The following AGPAT5 variants were observed in gnomAD, a reference collection of about 807,000 sequenced individuals.
AGPAT5 encodes the protein 1-acylglycerol-3-phosphate O-acyltransferase 5.
A neutral mutation model predicts 45.6 loss-of-function variants in AGPAT5; 46 were observed. The observed-to-expected ratio is 1.01, with a 90% CI of 0.80 to 1.29. The LOEUF (loss-of-function observed/expected upper bound fraction) is 1.29, where lower values mean the gene tolerates loss of function less well. Among genes scored for constraint, AGPAT5 ranks in the 50% most tolerant of loss-of-function variants. The pLI is 0.00. For missense variants in AGPAT5, 673 were observed against 450.7 expected, an observed-to-expected ratio of 1.49 and a Z score of -4.47; for synonymous variants, 272 against 167.0, an observed-to-expected ratio of 1.63 and a Z score of -4.85.
At chr8:6,720,426 G>T (rs768040146) in intron 1 of AGPAT5, among the ~76,000 whole-genome samples, 1 of 152,136 alleles carries the variant, frequency 6.6e-6, no homozygotes, top group Non-Finnish European at 1.5e-5. Context: ...CTTGTCAAGG[G>T]GCGTTACCAC....
rs1239643493 is a variant in AGPAT5, at chr8:6,760,365, T to C, written c.*2977T>C. Among the ~76,000 whole-genome samples, 1 of 152,130 alleles carries C rather than the reference T, an allele frequency of 6.6e-6. No homozygotes were observed. Among genetic ancestry groups the C allele is most frequent in the Non-Finnish European group, 1.5e-5 (1 of 68,036 alleles). ...GTGAGCCATGGACATACCACTGCAC[T>C]ACAGCCTAGGTAACAGCACGAGACC... On this transcript the variant is annotated 3_prime_UTR_variant, in exon 8 of 8. Coordinates refer to ENST00000285518, the MANE Select transcript of AGPAT5 (RefSeq NM_018361.5).
chr8:6,714,935 CT>C (rs1800271350), intron 1 of AGPAT5, among the ~76,000 whole-genome samples: 2 of 152,146 alleles, frequency 1.3e-5, no homozygotes, highest in Admixed American at 1.3e-4. Context: ...TTAACTTTTC[CT>C]TTACTATTTT....
At chr8:6,725,854 A>G (rs1406743649) in intron 2 of AGPAT5, among the ~76,000 whole-genome samples, 1 of 152,216 alleles carries the variant, frequency 6.6e-6, no homozygotes, top group South Asian at 2.1e-4. Context: ...GAAATCACTT[A>G]TGCCTGTGGC....
intron 1 of AGPAT5, among the ~76,000 whole-genome samples, chr8:6,717,457 G>A (rs377203578): frequency 1.5e-4 from 23 of 152,324 alleles, no homozygotes; most frequent in East Asian, 1.3e-3. Context: ...GTTAAAAGGT[G>A]TAATGTTCTA....
intron 1 of AGPAT5, among the ~76,000 whole-genome samples, chr8:6,720,772 A>G (rs943112647): frequency 5.3e-5 from 8 of 152,304 alleles, no homozygotes; most frequent in African/African-American, 1.9e-4. Context: ...TAAGAGGGCT[A>G]GCAAGGAAAA....
intron 4 of AGPAT5, among the ~76,000 whole-genome samples, chr8:6,737,052 G>T (rs1458623643): frequency 1.3e-5 from 2 of 152,206 alleles, no homozygotes; most frequent in African/African-American, 4.8e-5. Context: ...CAGTAGGAAG[G>T]TTGATTCAAA....
rs1162611502 is a variant in AGPAT5 at position 6,761,080 on chromosome 8, T to C, written c.*3692T>C. Reference sequence around the variant, plus strand: ...GAGGTCAAAGACATATACCTTGTTATTATAATATGTATACTATAATAATAG... The same window carrying C: ...GAGGTCAAAGACATATACCTTGTTACTATAATATGTATACTATAATAATAG... On this transcript the variant is annotated 3_prime_UTR_variant, in exon 8 of 8. Coordinates refer to ENST00000285518, the MANE Select transcript of AGPAT5 (RefSeq NM_018361.5). Among the ~76,000 whole-genome samples, 2 of 152,206 alleles carry C rather than the reference T, an allele frequency of 1.3e-5. No individual in the cohort carries two copies. The highest frequency in any genetic ancestry group is 6.5e-5 in the Admixed American group (1 of 15,276).
chr8:6,747,792 G>A lies in AGPAT5; in HGVS notation c.709G>A (p.Asp237Asn), dbSNP rs1362816409. ...DVTVVYEGKD[D>N]GGQRRESPTM... Reference sequence around the variant, plus strand: ...TACGGTGGTTTATGAAGGGAAAGACGATGGAGGGCAGCGAAGAGAGTCACC... The same window carrying A: ...TACGGTGGTTTATGAAGGGAAAGACAATGGAGGGCAGCGAAGAGAGTCACC... The change falls in exon 6 of 8, where the codon GAT becomes AAT. Residue 237 changes from aspartate (D) to asparagine (N), a missense_variant. By Grantham distance (23) the Asp-to-Asn change is conservative. Coordinates refer to ENST00000285518, the MANE Select transcript of AGPAT5 (RefSeq NM_018361.5). 1.1e-5 allele frequency: 18 copies of A among 1,614,032 alleles called. No homozygotes were observed. Among genetic ancestry groups the A allele is most frequent in the Middle Eastern group, 3.3e-4 (2 of 6,084 alleles).
chr8:6,738,434 C>T (rs1801129335), intron 4 of AGPAT5: 1 of 152,118 alleles, frequency 6.6e-6, no homozygotes, highest in African/African-American at 2.4e-5. Flanking sequence ...TATATGGGTG[C>T]AATTCATGGC....
chr8:6,716,430 G>A (rs528946516), intron 1 of AGPAT5, among the ~76,000 whole-genome samples: 1 of 152,218 alleles, frequency 6.6e-6, no homozygotes, highest in Admixed American at 6.5e-5. Flanking sequence ...GCATGGTGGT[G>A]TGTGCCTGTA....
chr8:6,737,662 C>G (rs1170388902), intron 4 of AGPAT5, among the ~76,000 whole-genome samples: 2 of 152,172 alleles, frequency 1.3e-5, no homozygotes, highest in African/African-American at 4.8e-5. Context: ...TTTCTTCCAG[C>G]TTTCACTTAA....
In AGPAT5 at chr8:6,730,839, C is replaced by T. The variant is rs1373503159; in HGVS notation, c.405+13C>T. On this transcript the variant is annotated intron_variant, in intron 3 of 7. Transcript: ENST00000285518. The stretch of plus-strand genomic sequence containing the variant: ...TTACTTTGCTCAGGTAACTTGTTTC[C>T]ATGCTTTTCTCTCTATATATGTAGT... 1.3e-6 allele frequency: 2 copies of T among 1,561,874 alleles called. No homozygotes were observed. The highest frequency in any genetic ancestry group is 2.2e-5 in the South Asian group (2 of 89,528).
rs998537352 is a variant in AGPAT5, at chr8:6,732,865, C to G, written c.495+215C>G. Among the ~76,000 whole-genome samples, 4 of 152,186 alleles carry G rather than the reference C, an allele frequency of 2.6e-5. No homozygotes were observed. The East Asian group carries it at 7.7e-4, about 29-fold the overall frequency. ...GTAAACAACTAGGTCCTTTGCTGGT[C>G]AGTGGACCTTAAAGAGGAATAAAAA... On this transcript the variant is annotated intron_variant, in intron 4 of 7. Transcript: ENST00000285518.
At chr8:6,728,990 C>G (rs58032777) in intron 2 of AGPAT5, among the ~76,000 whole-genome samples, 3,264 of 152,226 alleles carry the variant, frequency 0.021, 116 homozygotes, top group African/African-American at 0.074. Flanking sequence ...TCTCTGGGAT[C>G]ATACACTGTA....
At chr8:6,724,721 C>A in intron 1 of AGPAT5, 149 bp from the exon 2 acceptor site, 1 of 305,238 alleles carries the variant, frequency 3.3e-6, no homozygotes, top group Non-Finnish European at 6.4e-6. Flanking sequence ...TATTTATGAT[C>A]TCTGAGGCTC....
At position 6,760,322 on chromosome 8, in the gene AGPAT5, CAGG is replaced by C. The variant is rs1376612116; in HGVS notation, c.*2938_*2940del. 1.3e-5 allele frequency among the ~76,000 whole-genome samples: 2 copies of C among 152,046 alleles called. No individual in the cohort carries two copies. The highest frequency in any genetic ancestry group is 2.9e-5 in the Non-Finnish European group (2 of 68,018). On this transcript the variant is annotated 3_prime_UTR_variant, in exon 8 of 8. Transcript: ENST00000285518. ...GTGAGGTGGGAGGATCGCTTCAGCC[CAGG>C]AGGTTGAGATTGCAGTGAGCCATGG... is the stretch of plus-strand genomic sequence containing the variant.
At chr8:6,741,896 G>T in intron 5 of AGPAT5, 145 bp downstream of exon 5, 1 of 601,708 alleles carries the variant, frequency 1.7e-6, no homozygotes, top group Non-Finnish European at 2.8e-6. Flanking sequence ...TTATCTCTTA[G>T]GAAATGAAGT....
chr8:6,752,478 TATATA>T (rs1801687432), intron 6 of AGPAT5, among the ~76,000 whole-genome samples: 1 of 152,162 alleles, frequency 6.6e-6, no homozygotes, highest in Non-Finnish European at 1.5e-5. Context: ...TTTTAAAGGC[TATATA>T]GTGTTCATTG....
intron 1 of AGPAT5, among the ~76,000 whole-genome samples, chr8:6,716,579 A>T (rs1358000061): frequency 6.6e-6 from 1 of 152,146 alleles, no homozygotes; most frequent in African/African-American, 2.4e-5. Flanking sequence ...TCACGCTGGT[A>T]ATCCAAGCAC....
Sources: gnomAD v4.1 joint callset for allele counts (sites outside exome capture counted in the v4.1 genomes callset) on GRCh38, gnomAD v4.1.1 for gene constraint, MANE v1.5 for transcripts, NCBI Gene and HGNC (gene_info 2026-07-23, HGNC 2026-07-21) for gene names.